Variants in CFAP299 observed in about 807,000 individuals in gnomAD.
The protein encoded by CFAP299 is cilia- and flagella-associated protein 299.
CFAP299 carries 21 observed loss-of-function variants against 27.0 expected under a neutral mutation model. That is an observed-to-expected ratio of 0.78 (90% confidence interval 0.55 to 1.12). CFAP299 has a LOEUF of 1.12. CFAP299 is among the 50% of genes most tolerant of loss of function. CFAP299 has a pLI of 0.00. For synonymous variants in CFAP299, 104 were observed against 98.1 expected, an observed-to-expected ratio of 1.06 and a Z score of -0.36; for missense variants, 310 against 276.6, an observed-to-expected ratio of 1.12 and a Z score of -0.86.
intron 3 of CFAP299, among the ~76,000 whole-genome samples, chr4:80,643,470 AGTGGATTAAATT>A (rs1413909482): frequency 2.6e-5 from 4 of 152,216 alleles, no homozygotes; most frequent in Admixed American, 6.5e-5. Flanking sequence ...TTTGTTTTGA[AGTGGATTAAATT>A]GCAGGATAGT....
intron 1 of CFAP299, among the ~76,000 whole-genome samples, chr4:80,341,797 G>A (rs991334519): frequency 2.6e-5 from 4 of 152,210 alleles, no homozygotes; most frequent in African/African-American, 7.2e-5. Context: ...TCTCCAGCAA[G>A]GGCACAGAAT....
intron 4 of CFAP299, among the ~76,000 whole-genome samples, chr4:80,937,353 G>T (rs1578252547): frequency 2.7e-5 from 2 of 74,006 alleles, no homozygotes; most frequent in African/African-American, 5.9e-5. Context: ...GTCTCACTCT[G>T]TTTCCCAAGC....
intron 2 of CFAP299, among the ~76,000 whole-genome samples, chr4:80,507,377 T>C (rs929735679): frequency 2.0e-5 from 3 of 152,132 alleles, no homozygotes; most frequent in Non-Finnish European, 2.9e-5. Flanking sequence ...ATAATACTTA[T>C]TTTAAACTAT....
At chr4:80,360,023 A>T (rs1440273670) in intron 1 of CFAP299, among the ~76,000 whole-genome samples, 1 of 152,004 alleles carries the variant, frequency 6.6e-6, no homozygotes, top group Admixed American at 6.5e-5. Flanking sequence ...CTATTTGATG[A>T]CTTTGAGGGT....
rs530337808 is a variant in CFAP299, at chr4:80,566,480, G to A, written c.243-16613G>A. 9.2e-5 allele frequency among the ~76,000 whole-genome samples: 14 copies of A among 152,020 alleles called. No individual in the cohort carries two copies. In the East Asian group the frequency reaches 1.7e-3, roughly 19 times the overall value. On this transcript the variant is annotated intron_variant, in intron 2 of 5. Coordinates refer to ENST00000358105, the MANE Select transcript of CFAP299 (RefSeq NM_152770.3). ...GACTGTTTTCCTCTGGTAAAGCGTT[G>A]CCCCCATTTTACCACAGTTTCCAGG...
chr4:80,577,638 T>C (rs1438380231), intron 2 of CFAP299, among the ~76,000 whole-genome samples: 1 of 152,050 alleles, frequency 6.6e-6, no homozygotes, highest in African/African-American at 2.4e-5. Context: ...ATTGACCTTG[T>C]GATCTGCACA....
chr4:80,707,788 G>A (rs1265410048), intron 3 of CFAP299, among the ~76,000 whole-genome samples: 1 of 151,968 alleles, frequency 6.6e-6, no homozygotes, highest in African/African-American at 2.4e-5. Flanking sequence ...TTATACATAT[G>A]GCTACATTAT....
At chr4:80,538,031 A>G (rs1317735843) in intron 2 of CFAP299, among the ~76,000 whole-genome samples, 1 of 152,140 alleles carries the variant, frequency 6.6e-6, no homozygotes, top group African/African-American at 2.4e-5. Flanking sequence ...TCAGCCAATG[A>G]TGGACTGCAT....
rs1458773120 is a variant in CFAP299 at position 80,902,598 on chromosome 4, C to T, written c.476+32463C>T. ...TATATGTAATATATACACACACACA[C>T]ACACACACACACACACACACACACA... On this transcript the variant is annotated intron_variant, in intron 4 of 5. Coordinates refer to ENST00000358105, the MANE Select transcript of CFAP299 (RefSeq NM_152770.3). 7.4e-4 allele frequency among the ~76,000 whole-genome samples: 107 copies of T among 145,476 alleles called. 3 individuals are homozygous for T. In the South Asian group the frequency reaches 0.021, roughly 28 times the overall value.
intron 2 of CFAP299, among the ~76,000 whole-genome samples, chr4:80,458,698 T>C (rs1205987019): frequency 6.6e-6 from 1 of 152,168 alleles, no homozygotes; most frequent in Non-Finnish European, 1.5e-5. Flanking sequence ...TGTGACATTT[T>C]AAAAATGGGC....
chr4:80,531,848 G>A (rs1733487614), intron 2 of CFAP299, among the ~76,000 whole-genome samples: 1 of 151,022 alleles, frequency 6.6e-6, no homozygotes, highest in South Asian at 2.1e-4. Flanking sequence ...CTGTCCCCTG[G>A]ATTCAAGCAA....
the CFAP299 span, among the ~76,000 whole-genome samples, chr4:80,322,408 G>A: frequency 1.3e-5 from 2 of 152,176 alleles, no homozygotes; most frequent in African/African-American, 4.8e-5. Flanking sequence ...TTTCCTGTAT[G>A]TGTCTTCTTG....
At chr4:80,347,182 A>T (rs1578338768) in intron 1 of CFAP299, among the ~76,000 whole-genome samples, 1 of 152,006 alleles carries the variant, frequency 6.6e-6, no homozygotes, top group Non-Finnish European at 1.5e-5. Flanking sequence ...GACTGAGACG[A>T]TGGGGTTTTC....
intron 3 of CFAP299, among the ~76,000 whole-genome samples, chr4:80,850,234 G>GT (rs1324058370): frequency 6.6e-6 from 1 of 151,822 alleles, no homozygotes; most frequent in African/African-American, 2.4e-5. Flanking sequence ...GCGGTGGGGG[G>GT]GGTGATAAAA....
chr4:80,775,344 C>T (rs1021794639), intron 3 of CFAP299, among the ~76,000 whole-genome samples: 1 of 151,908 alleles, frequency 6.6e-6, no homozygotes, highest in Non-Finnish European at 1.5e-5. Flanking sequence ...TCTTATGCTT[C>T]TCGTATATCT....
At chr4:80,672,317 C>G (rs1051875878) in intron 3 of CFAP299, among the ~76,000 whole-genome samples, 28 of 152,162 alleles carry the variant, frequency 1.8e-4, no homozygotes, top group African/African-American at 6.5e-4. Flanking sequence ...TACTGATTTG[C>G]ATATGTTGAA....
rs185862097 is a variant in CFAP299, at chr4:80,662,142, G to A, written c.333+78959G>A. ...ATCTCGCCCTGCCTCCATTTGCCTTGTGATATTTTATTACCTTGTGAAGCA... is the reference window on the plus strand; with the variant it reads ...ATCTCGCCCTGCCTCCATTTGCCTTATGATATTTTATTACCTTGTGAAGCA... On this transcript the variant is annotated intron_variant, in intron 3 of 5. Transcript: ENST00000358105. 1.5e-4 allele frequency among the ~76,000 whole-genome samples: 23 copies of A among 152,214 alleles called. 1 individual carries two copies. In the East Asian group the frequency reaches 4.4e-3, roughly 29 times the overall value.
intron 3 of CFAP299, among the ~76,000 whole-genome samples, chr4:80,796,737 T>C (rs1392094746): frequency 6.6e-6 from 1 of 152,154 alleles, no homozygotes; most frequent in Non-Finnish European, 1.5e-5. Context: ...CACTCCTGCA[T>C]CTTTCAAGTC....
At chr4:80,661,080 C>G (rs1358090719) in intron 3 of CFAP299, among the ~76,000 whole-genome samples, 2 of 152,116 alleles carry the variant, frequency 1.3e-5, no homozygotes, top group Admixed American at 1.3e-4. Flanking sequence ...AATCCCAGCA[C>G]TTTGAGAGAC....
Sources: allele counts gnomAD v4.1 joint callset (sites outside exome capture counted in the v4.1 genomes callset), GRCh38; gene constraint gnomAD v4.1.1; transcripts MANE v1.5; gene names NCBI Gene and HGNC (gene_info 2026-07-23, HGNC 2026-07-21).